ANO3: variants seen among roughly 807,000 people sequenced by gnomAD.
ANO3 encodes anoctamin-3.
In ANO3, 99 loss-of-function variants were observed where a neutral mutation model predicts 144.8. The ratio of observed to expected loss-of-function variants is 0.68; its 90% CI spans 0.58 to 0.81. ANO3 has a LOEUF of 0.81. Among genes scored for constraint, ANO3 ranks in the 30% least tolerant of loss-of-function variants. The pLI is 0.00. For synonymous variants in ANO3, 414 were observed against 392.6 expected, an observed-to-expected ratio of 1.05 and a Z score of -0.64; for missense variants, 905 against 1,202.2, an observed-to-expected ratio of 0.75 and a Z score of 3.66.
At chr11:26,283,842 G>A (rs917038178) in intron 1 of ANO3, among the ~76,000 whole-genome samples, 1 of 152,088 alleles carries the variant, frequency 6.6e-6, no homozygotes. Flanking sequence ...GGGAACCAAT[G>A]GGATGCTATG....
chr11:26,513,449 T>C (rs1296647137), intron 5 of ANO3, among the ~76,000 whole-genome samples: 1 of 152,158 alleles, frequency 6.6e-6, no homozygotes, highest in Non-Finnish European at 1.5e-5. Context: ...AGAATCTGGC[T>C]ATCTGTACGG....
chr11:26,393,688 T>C (rs1478013313), intron 1 of ANO3, among the ~76,000 whole-genome samples: 2 of 152,198 alleles, frequency 1.3e-5, no homozygotes, highest in Non-Finnish European at 2.9e-5. Flanking sequence ...TTACAAAATG[T>C]ATAAACATAA....
chr11:26,332,688 G>T (rs887159951), intron 1 of ANO3, among the ~76,000 whole-genome samples: 2 of 152,044 alleles, frequency 1.3e-5, no homozygotes, highest in African/African-American at 4.8e-5. Context: ...GTCTTCTGTG[G>T]TTCAAATGTT....
intron 1 of ANO3, among the ~76,000 whole-genome samples, chr11:26,218,785 G>T (rs1454328183): frequency 1.3e-5 from 2 of 152,070 alleles, no homozygotes; most frequent in Non-Finnish European, 2.9e-5. Flanking sequence ...AAAGCCTGTA[G>T]CCCATAACAT....
intron 1 of ANO3, among the ~76,000 whole-genome samples, chr11:26,399,045 C>T (rs935640942): frequency 6.6e-6 from 1 of 151,822 alleles, no homozygotes; most frequent in Non-Finnish European, 1.5e-5. Context: ...ATTTGTACAC[C>T]TCTTCAGCTT....
At chr11:26,460,077 G>T in intron 3 of ANO3, 1 of 453,614 alleles carries the variant, frequency 2.2e-6, no homozygotes, top group Non-Finnish European at 4.4e-6. Flanking sequence ...TTCAACATGA[G>T]ACCTGGACCA....
At chr11:26,366,557 T>A (rs1015952755) in intron 1 of ANO3, among the ~76,000 whole-genome samples, 3 of 152,110 alleles carry the variant, frequency 2.0e-5, no homozygotes, top group South Asian at 4.1e-4. Context: ...ATCGCCACAG[T>A]CTTCCACAAT....
chr11:26,223,931 C>T (rs1345529920), intron 1 of ANO3, among the ~76,000 whole-genome samples: 1 of 152,188 alleles, frequency 6.6e-6, no homozygotes, highest in Non-Finnish European at 1.5e-5. Context: ...ATGACCAAAA[C>T]ACCTCTCACT....
At chr11:26,650,291 T>A (rs981989828) in intron 24 of ANO3, among the ~76,000 whole-genome samples, 39 of 152,232 alleles carry the variant, frequency 2.6e-4, no homozygotes, top group Middle Eastern at 3.4e-3. Flanking sequence ...AAATGATAAA[T>A]TATTTGTTCT....
chr11:26,221,399 A>G (rs1852140872), intron 1 of ANO3, among the ~76,000 whole-genome samples: 1 of 152,202 alleles, frequency 6.6e-6, no homozygotes, highest in Admixed American at 6.5e-5. Context: ...AATGAGATCC[A>G]GGGTTATAAA....
chr11:26,652,840 A>T (rs754628041), intron 24 of ANO3, among the ~76,000 whole-genome samples: 4 of 152,174 alleles, frequency 2.6e-5, no homozygotes, highest in Non-Finnish European at 5.9e-5. Context: ...GATGACTTTC[A>T]CATTGTCAAA....
At chr11:26,555,110 T>C (rs1451938183) in intron 13 of ANO3, among the ~76,000 whole-genome samples, 1 of 152,218 alleles carries the variant, frequency 6.6e-6, no homozygotes, top group African/African-American at 2.4e-5. Context: ...GTGAAAAGTC[T>C]GTTTCGTTTA....
intron 23 of ANO3, among the ~76,000 whole-genome samples, chr11:26,644,021 C>T (rs1853258425): frequency 6.6e-6 from 1 of 152,188 alleles, no homozygotes; most frequent in Non-Finnish European, 1.5e-5. Context: ...CAGCAAGGAA[C>T]TTCTGTTCGC....
intron 3 of ANO3, among the ~76,000 whole-genome samples, chr11:26,444,041 A>G (rs568852426): frequency 6.6e-6 from 1 of 152,210 alleles, no homozygotes; most frequent in East Asian, 1.9e-4. Flanking sequence ...ATGATGAGCA[A>G]CAGTCTCATA....
intron 1 of ANO3, among the ~76,000 whole-genome samples, chr11:26,242,985 T>C (rs1352386082): frequency 2.0e-5 from 3 of 152,148 alleles, no homozygotes; most frequent in Non-Finnish European, 2.9e-5. Context: ...CTTAAGGAGC[T>C]TGTTAAAATA....
chr11:26,253,437 A>G (rs1273583026), intron 1 of ANO3, among the ~76,000 whole-genome samples: 1 of 152,092 alleles, frequency 6.6e-6, no homozygotes, highest in African/African-American at 2.4e-5. Flanking sequence ...AGGATCAGGA[A>G]AAATAACTAA....
At chr11:26,398,878 A>C (rs977288783) in intron 1 of ANO3, among the ~76,000 whole-genome samples, 1 of 152,064 alleles carries the variant, frequency 6.6e-6, no homozygotes, top group East Asian at 1.9e-4. Context: ...TACAAATTGA[A>C]GTGAACAAAG....
At chr11:26,273,634 A>ACG (rs1489034086) in intron 1 of ANO3, among the ~76,000 whole-genome samples, 2 of 48,166 alleles carry the variant, frequency 4.2e-5, no homozygotes, top group African/African-American at 8.0e-5. Flanking sequence ...TGGATATGGC[A>ACG]CACACACACA....
At chr11:26,229,665 G>A (rs540384780) in intron 1 of ANO3, among the ~76,000 whole-genome samples, 29 of 151,776 alleles carry the variant, frequency 1.9e-4, no homozygotes, top group African/African-American at 7.0e-4. Context: ...ATGAACCATT[G>A]CTTCTTCATC....
Sources: allele counts gnomAD v4.1 joint callset (sites outside exome capture counted in the v4.1 genomes callset), GRCh38; gene constraint gnomAD v4.1.1; transcripts MANE v1.5; gene names NCBI Gene and HGNC (gene_info 2026-07-23, HGNC 2026-07-21).